Variants in AP4S1 observed in about 807,000 individuals in gnomAD.
The protein encoded by AP4S1 is adaptor related protein complex 4 subunit sigma 1, also known as AP-4 complex subunit sigma-1.
A neutral mutation model predicts 19.8 loss-of-function variants in AP4S1; 23 were observed. That is an observed-to-expected ratio of 1.16 (90% CI 0.84 to 1.65). The LOEUF (loss-of-function observed/expected upper bound fraction) is 1.65. Among genes scored for constraint, AP4S1 ranks in the 40% most tolerant of loss-of-function variants. The probability of loss-of-function intolerance (pLI) is 0.00; values close to 1 mark genes in which losing one functional copy is unlikely to be tolerated. For missense variants in AP4S1, 166 were observed against 172.8 expected (o/e 0.96, Z 0.22); for synonymous variants, 46 against 54.1 (o/e 0.85, Z 0.66).
chr14:31,083,877 C>T (rs932610293), intron 5 of AP4S1, among the ~76,000 whole-genome samples: 1 of 152,100 alleles, frequency 6.6e-6, no homozygotes, highest in African/African-American at 2.4e-5. Flanking sequence ...TAAACCATCA[C>T]ATGTTCAAGG....
intron 1 of AP4S1, chr14:31,026,384 G>C (rs945712920): frequency 8.1e-5 from 22 of 271,782 alleles, no homozygotes; most frequent in Non-Finnish European, 1.5e-4. Flanking sequence ...CCATCTGCCC[G>C]TCTCACTCAC....
intron 1 of AP4S1, among the ~76,000 whole-genome samples, chr14:31,056,188 T>C (rs1886104553): frequency 6.6e-6 from 1 of 150,938 alleles, no homozygotes; most frequent in African/African-American, 2.4e-5. Context: ...CTTTTTGTTT[T>C]CTCTTTAGAG....
At chr14:31,037,678 A>C (rs1195861875) in intron 1 of AP4S1, among the ~76,000 whole-genome samples, 1 of 152,152 alleles carries the variant, frequency 6.6e-6, no homozygotes, top group Non-Finnish European at 1.5e-5. Context: ...AGCTGGATGC[A>C]GTGGCTCATG....
At chr14:31,076,023 G>A (rs558476827) in intron 4 of AP4S1, among the ~76,000 whole-genome samples, 5 of 152,186 alleles carry the variant, frequency 3.3e-5, no homozygotes, top group East Asian at 1.9e-4. Flanking sequence ...GGCGTGAGCC[G>A]TCACGCCTGG....
In AP4S1 at chr14:31,066,288, T is replaced by C. The variant is rs1437415782; in HGVS notation, c.92T>C (p.Leu31Pro). The change falls in exon 2 of 6, where the codon CTG (leucine) becomes CCG (proline). Residue 31 changes from leucine to proline, a missense_variant. Transcript: ENST00000542754. ...GTGGATATTAATAAGCGTACACTTC[T>C]GGAAACAGAAGTCATAAAGAGCTGT... is the stretch of plus-strand genomic sequence containing the variant. The part of the protein sequence containing the change: ...EHVDINKRTL[L>P]ETEVIKSCLS... The C allele has an allele frequency of 1.9e-6, 3 of 1,614,048 alleles. No individual in the cohort carries two copies. The highest frequency in any genetic ancestry group is 1.1e-5 in the South Asian group (1 of 91,080).
chr14:31,080,945 C>G (rs977296851), intron 5 of AP4S1, among the ~76,000 whole-genome samples: 1 of 152,130 alleles, frequency 6.6e-6, no homozygotes, highest in Non-Finnish European at 1.5e-5. Context: ...GCGCCCACCA[C>G]CACGCCCAGC....
At chr14:31,067,814 A>G (rs147991459) in intron 2 of AP4S1, among the ~76,000 whole-genome samples, 1,502 of 143,872 alleles carry the variant, frequency 0.01, 29 homozygotes, top group African/African-American at 0.035. Flanking sequence ...CCACCGTGCC[A>G]GGCCAAAAAC....
At chr14:31,052,862 C>T (rs12885886) in intron 1 of AP4S1, among the ~76,000 whole-genome samples, 7,208 of 151,594 alleles carry the variant, frequency 0.048, 230 homozygotes, top group Middle Eastern at 0.075. Context: ...ATCTATTTCC[C>T]TGTAGACTTA....
At chr14:31,066,461 G>A (rs1233202944) in intron 2 of AP4S1, 127 bp downstream of exon 2, 1 of 1,296,008 alleles carries the variant, frequency 7.7e-7, no homozygotes, top group African/African-American at 1.5e-5. Flanking sequence ...AAGAAAATAA[G>A]TGATGTGAAA....
At chr14:31,062,923 C>T (rs978141304) in intron 1 of AP4S1, among the ~76,000 whole-genome samples, 8 of 151,314 alleles carry the variant, frequency 5.3e-5, no homozygotes, top group African/African-American at 4.9e-5. Flanking sequence ...GCCGAGATTA[C>T]GCCACTGCAT....
intron 1 of AP4S1, among the ~76,000 whole-genome samples, chr14:31,059,685 T>C (rs1030341040): frequency 2.6e-5 from 4 of 151,672 alleles, no homozygotes; most frequent in African/African-American, 9.7e-5. Context: ...CACCACAGAG[T>C]ATGTTGCAAT....
intron 5 of AP4S1, among the ~76,000 whole-genome samples, chr14:31,087,133 C>T (rs939489255): frequency 2.6e-5 from 4 of 152,128 alleles, no homozygotes; most frequent in African/African-American, 9.7e-5. Context: ...AACTCTGGAG[C>T]TCAAGCGATC....
At chr14:31,062,443 G>T (rs1214356778) in intron 1 of AP4S1, among the ~76,000 whole-genome samples, 1 of 152,048 alleles carries the variant, frequency 6.6e-6, no homozygotes, top group Non-Finnish European at 1.5e-5. Flanking sequence ...CCCTCCTCAG[G>T]GTTCTCAACC....
intron 1 of AP4S1, among the ~76,000 whole-genome samples, chr14:31,044,519 C>CT (rs1257995425): frequency 2.7e-5 from 4 of 149,524 alleles, no homozygotes; most frequent in Non-Finnish European, 4.5e-5. Flanking sequence ...TTTTTTTTTT[C>CT]TTTTTTTTAA....
At chr14:31,060,625 A>G (rs1886384434) in intron 1 of AP4S1, among the ~76,000 whole-genome samples, 1 of 152,130 alleles carries the variant, frequency 6.6e-6, no homozygotes, top group Admixed American at 6.5e-5. Context: ...AGCAGGCAAA[A>G]TCCCCAAAGA....
Position 31,084,961 on chromosome 14 carries a change from C to G in AP4S1, c.306+4377C>G. On this transcript the variant is annotated intron_variant, in intron 5 of 5. Coordinates refer to ENST00000542754, the MANE Select transcript of AP4S1 (RefSeq NM_001128126.3). ...CTCTTCAAATCAGTGCGTACCTGCTCTACGCGTGAAGGTACAGAAAACCTC... is the reference window on the plus strand; with the variant it reads ...CTCTTCAAATCAGTGCGTACCTGCTGTACGCGTGAAGGTACAGAAAACCTC... The G allele has an allele frequency of 8.1e-6, 13 of 1,603,488 alleles. No individual in the cohort carries two copies. The South Asian group carries it at 8.9e-5, about 11-fold the overall frequency.
Position 31,052,523 on chromosome 14 carries a change from G to A in AP4S1, c.-71-13603G>A, listed in dbSNP as rs190183909. Among the ~76,000 whole-genome samples the A allele has an allele frequency of 3.9e-4, 59 of 151,682 alleles. No homozygotes were observed. In the Middle Eastern group the frequency reaches 0.01, roughly 26 times the overall value. ...GCAGATCACCTGAGGTCAGGAGTTC[G>A]AGACCAGCCTGGCCAACATGGTGAA... On this transcript the variant is annotated intron_variant, in intron 1 of 5. Coordinates refer to ENST00000542754, the MANE Select transcript of AP4S1 (RefSeq NM_001128126.3).
chr14:31,073,260 G>A (rs1299939904), intron 4 of AP4S1: 15 of 349,394 alleles, frequency 4.3e-5, no homozygotes, highest in South Asian at 7.6e-5. Context: ...GGAGGCTAAG[G>A]TGGGCAGATC....
At chr14:31,090,835 C>G (rs1001701118) in intron 5 of AP4S1, among the ~76,000 whole-genome samples, 1 of 152,254 alleles carries the variant, frequency 6.6e-6, no homozygotes, top group African/African-American at 2.4e-5. Flanking sequence ...AATCAGCTTT[C>G]AGGCCTTTGC....
Sources: gnomAD v4.1 joint callset for allele counts (sites outside exome capture counted in the v4.1 genomes callset) on GRCh38, gnomAD v4.1.1 for gene constraint, MANE v1.5 for transcripts, NCBI Gene and HGNC (gene_info 2026-07-23, HGNC 2026-07-21) for gene names.